MAN2A1: variants seen among roughly 807,000 people sequenced by gnomAD.
MAN2A1 encodes the protein alpha-mannosidase 2.
MAN2A1 carries 76 observed loss-of-function variants against 142.6 expected under a neutral mutation model. The observed-to-expected ratio is 0.53, with a 90% CI of 0.44 to 0.65. MAN2A1 has a LOEUF of 0.65. Ranked by LOEUF, MAN2A1 falls within the 30% of genes least tolerant of loss-of-function variation. MAN2A1 has a pLI of 0.00. For missense variants in MAN2A1, 1,311 were observed against 1,365.1 expected (o/e 0.96, Z 0.62); for synonymous variants, 559 against 473.2 (o/e 1.18, Z -2.35).
intron 2 of MAN2A1, among the ~76,000 whole-genome samples, chr5:109,714,386 T>C (rs960207312): frequency 6.6e-6 from 1 of 152,330 alleles, no homozygotes; most frequent in East Asian, 1.9e-4. Context: ...ATATATTGAT[T>C]ATGAGTTAAG....
intron 10 of MAN2A1, among the ~76,000 whole-genome samples, chr5:109,786,878 A>G (rs2269205): frequency 0.38 from 57,700 of 151,748 alleles, 11,948 homozygotes; most frequent in African/African-American, 0.55. Context: ...TGTCATATGA[A>G]AAAAATCTGT....
chr5:109,716,386 C>A (rs1751453509), intron 3 of MAN2A1, 122 bp downstream of exon 3: 1 of 693,102 alleles, frequency 1.4e-6, no homozygotes, highest in Non-Finnish European at 2.4e-6. Context: ...TGACTTTTAA[C>A]ATTAATATAT....
intron 16 of MAN2A1, chr5:109,840,805 C>T (rs2112755229): frequency 4.0e-6 from 1 of 247,084 alleles, no homozygotes; most frequent in Admixed American, 5.0e-5. Context: ...GTGTGGTGCG[C>T]CGGAGTCCTG....
intron 12 of MAN2A1, among the ~76,000 whole-genome samples, chr5:109,794,651 A>G (rs1175040654): frequency 6.6e-6 from 1 of 152,136 alleles, no homozygotes; most frequent in Non-Finnish European, 1.5e-5. Flanking sequence ...GGAATTAGTA[A>G]CTGATGGTCC....
At chr5:109,735,269 T>C (rs1264490175) in intron 4 of MAN2A1, among the ~76,000 whole-genome samples, 1 of 152,152 alleles carries the variant, frequency 6.6e-6, no homozygotes, top group Non-Finnish European at 1.5e-5. Flanking sequence ...TGTGTGTCTC[T>C]GCACGTGAGA....
intron 2 of MAN2A1, 23 bp from the exon 3 acceptor site, chr5:109,716,096 AT>A (rs754024046): frequency 1.8e-5 from 28 of 1,537,146 alleles, no homozygotes; most frequent in Non-Finnish European, 2.1e-5. Context: ...TTAAACTTTA[AT>A]TTTTTTTCTT....
At chr5:109,770,115 T>C (rs1753102826) in intron 6 of MAN2A1, among the ~76,000 whole-genome samples, 1 of 152,192 alleles carries the variant, frequency 6.6e-6, no homozygotes, top group African/African-American at 2.4e-5. Flanking sequence ...ATGCTGGGGC[T>C]TTCCTGTCTC....
At chr5:109,832,496 G>C (rs1404718316) in intron 16 of MAN2A1, among the ~76,000 whole-genome samples, 1 of 152,092 alleles carries the variant, frequency 6.6e-6, no homozygotes, top group Non-Finnish European at 1.5e-5. Context: ...TGGGGGTAAG[G>C]CCATAGATTA....
At chr5:109,860,959 C>A (rs1385759834) in intron 20 of MAN2A1, among the ~76,000 whole-genome samples, 1 of 152,080 alleles carries the variant, frequency 6.6e-6, no homozygotes, top group Non-Finnish European at 1.5e-5. Flanking sequence ...TATTTTACAT[C>A]AAAAATATTT....
intron 8 of MAN2A1, among the ~76,000 whole-genome samples, chr5:109,776,285 A>G (rs1176703761): frequency 6.6e-6 from 1 of 152,168 alleles, no homozygotes; most frequent in Admixed American, 6.5e-5. Flanking sequence ...CCTAAGTAAT[A>G]TCAAATAGAT....
intron 1 of MAN2A1, among the ~76,000 whole-genome samples, chr5:109,694,475 C>G (rs1490968809): frequency 6.6e-6 from 1 of 152,038 alleles, no homozygotes; most frequent in Non-Finnish European, 1.5e-5. Context: ...TTCTGAGTAG[C>G]TGGGACTACA....
At chr5:109,699,452 CAA>C (rs1750910742) in intron 1 of MAN2A1, 1 of 151,912 alleles carries the variant, frequency 6.6e-6, no homozygotes. Flanking sequence ...TTGAAAATTG[CAA>C]AGAGTAGATT....
chr5:109,793,377 A>G (rs977744218), intron 12 of MAN2A1, among the ~76,000 whole-genome samples: 2 of 152,200 alleles, frequency 1.3e-5, no homozygotes, highest in East Asian at 3.9e-4. Context: ...TTCTAGCATC[A>G]TGCCTGTGGT....
rs549903023 is a variant in MAN2A1, at chr5:109,777,176, C to A, written c.1374+2211C>A. ...TTTAGTATATATTGCCAAACTGTTC[C>A]AAAATAGATGCATCAATTGTGTTGT... On this transcript the variant is annotated intron_variant, in intron 8 of 21. Coordinates refer to ENST00000261483, the MANE Select transcript of MAN2A1 (RefSeq NM_002372.4). Among the ~76,000 whole-genome samples, 4 of 152,156 alleles carry A rather than the reference C, an allele frequency of 2.6e-5. No homozygotes were observed. The South Asian group carries it at 8.3e-4, about 32-fold the overall frequency.
chr5:109,735,900 C>G (rs199996186), intron 4 of MAN2A1, among the ~76,000 whole-genome samples: 4 of 17,076 alleles, frequency 2.3e-4, no homozygotes, highest in East Asian at 3.3e-3. Context: ...TTTTTTTTTT[C>G]CCTCTTGATA....
rs1413164451 is a variant in MAN2A1 at position 109,743,682 on chromosome 5, A to G, written c.708-11647A>G. ...ACTCTGACCCCTGCTTTTCGTCTCCATTGCTCTTGTCTCGTACTATTGTGA... is the reference window on the plus strand; with the variant it reads ...ACTCTGACCCCTGCTTTTCGTCTCCGTTGCTCTTGTCTCGTACTATTGTGA... On this transcript the variant is annotated intron_variant, in intron 4 of 21. Coordinates refer to ENST00000261483, the MANE Select transcript of MAN2A1 (RefSeq NM_002372.4). Among the ~76,000 whole-genome samples, 4 of 151,990 alleles carry G rather than the reference A, an allele frequency of 2.6e-5. No homozygotes were observed. In the East Asian group the frequency reaches 5.8e-4, roughly 22 times the overall value.
intron 16 of MAN2A1, among the ~76,000 whole-genome samples, chr5:109,842,017 A>G (rs1755217497): frequency 6.6e-6 from 1 of 152,128 alleles, no homozygotes; most frequent in African/African-American, 2.4e-5. Context: ...CCCTTTTTTC[A>G]TTTCATGTCC....
chr5:109,798,989 G>T (rs543469766), intron 12 of MAN2A1, among the ~76,000 whole-genome samples: 67 of 152,212 alleles, frequency 4.4e-4, no homozygotes, highest in Admixed American at 1.5e-3. Context: ...ATCGCACCCA[G>T]CCTCATTCTG....
rs1753030966 is a variant in MAN2A1 at position 109,767,673 on chromosome 5, A to G, written c.974A>G (p.His325Arg). Residue 325 changes from histidine to arginine, a missense_variant, in exon 6 of 22, where the codon CAT becomes CGT. Around this residue, in one of 3 missense-constraint regions of MAN2A1, gnomAD observed 409 missense variants for 412.7 expected, o/e 0.99. Transcript: ENST00000261483. The part of the protein sequence containing the change: ...HYAVKKHFAL[H>R]KTLEFFWRQN... ...GCAGTTAAAAAACACTTTGCACTGCATAAAACATTGGAGTTTTTTTGGAGA... is the reference window on the plus strand; with the variant it reads ...GCAGTTAAAAAACACTTTGCACTGCGTAAAACATTGGAGTTTTTTTGGAGA... 2.5e-6 allele frequency: 4 copies of G among 1,613,348 alleles called. No homozygotes were observed. The highest frequency in any genetic ancestry group is 2.5e-6 in the Non-Finnish European group (3 of 1,179,634).
Sources: gnomAD v4.1 joint callset for allele counts (sites outside exome capture counted in the v4.1 genomes callset) on GRCh38, gnomAD v4.1.1 for gene constraint, gnomAD v4.1.1 regional missense constraint, MANE v1.5 for transcripts, NCBI Gene and HGNC (gene_info 2026-07-23, HGNC 2026-07-21) for gene names.